The following KIF24 variants were observed in gnomAD, a reference collection of about 807,000 sequenced individuals.
KIF24 encodes kinesin-like protein KIF24.
A neutral mutation model predicts 118.9 loss-of-function variants in KIF24; 81 were observed. The ratio of observed to expected loss-of-function variants is 0.68; its 90% CI spans 0.57 to 0.82. The LOEUF (loss-of-function observed/expected upper bound fraction) is 0.82, where lower values mean the gene tolerates loss of function less well. Among genes scored for constraint, KIF24 ranks in the 40% least tolerant of loss-of-function variants. The pLI is 0.00. For synonymous variants in KIF24, 599 were observed against 610.0 expected (o/e 0.98, Z 0.27); for missense variants, 1,560 against 1,661.6 (o/e 0.94, Z 1.06).
chr9:34,317,377 G>C (rs939125492), intron 1 of KIF24, among the ~76,000 whole-genome samples: 2 of 149,754 alleles, frequency 1.3e-5, no homozygotes, highest in South Asian at 4.3e-4. Flanking sequence ...GCGACAGAAG[G>C]AGACTGTCTT....
At position 34,318,724 on chromosome 9, in the gene KIF24, G is replaced by T; in HGVS notation, c.-25-7353C>A. 6.6e-7 allele frequency: 1 copy of T among 1,505,944 alleles called. No individual in the cohort carries two copies. 93.3% of individuals were successfully genotyped at this position (1,505,944 alleles called of 1,614,324 possible). A position where few individuals can be genotyped will look rare whatever the true frequency, so the allele number is the denominator to read the frequency against. ...CCAAGCAGCTGAGCGACGAGGAGGT[G>T]CACGCCGGCGTGGGCGAGCCGCTGC... On this transcript the variant is annotated intron_variant, in intron 1 of 12. Coordinates refer to ENST00000402558, the MANE Select transcript of KIF24 (RefSeq NM_194313.4). The surrounding 1 kb of genome is among the most constrained non-coding windows in gnomAD (Gnocchi z 4.9).
chr9:34,323,943 T>C (rs1837597041), intron 1 of KIF24, among the ~76,000 whole-genome samples: 1 of 152,228 alleles, frequency 6.6e-6, no homozygotes, highest in African/African-American at 2.4e-5. Flanking sequence ...GACATAAATT[T>C]GTTTTAGAAA....
chr9:34,283,162 A>G (rs1835914818), intron 6 of KIF24, among the ~76,000 whole-genome samples: 1 of 150,800 alleles, frequency 6.6e-6, no homozygotes, highest in Non-Finnish European at 1.5e-5. Context: ...AGTCCAGGAG[A>G]TTGAGACCAG....
chr9:34,329,648 T>C (rs545326668), upstream of KIF24: 1 of 152,304 alleles, frequency 6.6e-6, no homozygotes, highest in African/African-American at 2.4e-5. Flanking sequence ...GTGGAGGAAA[T>C]GAGCCTTGGA....
At chr9:34,271,711 C>T (rs1222536822) in intron 7 of KIF24, 98 bp downstream of exon 7, 3 of 1,311,962 alleles carry the variant, frequency 2.3e-6, no homozygotes, top group Admixed American at 2.2e-5. Context: ...CAATGAAGAA[C>T]TCCATGGTAG....
rs1563931189 is a variant in KIF24 at position 34,255,924 on chromosome 9, G to C, written c.3683C>G (p.Thr1228Arg). 2 of 1,614,018 alleles carry C rather than the reference G, an allele frequency of 1.2e-6. No homozygotes were observed. The change falls in exon 11 of 13, where the codon ACA becomes AGA. Residue 1228 changes from threonine (T) to arginine (R), a missense_variant. Physicochemically the swap from Thr to Arg is moderately conservative, Grantham distance 71 (BLOSUM62 -1). This residue lies in a region of KIF24 where 591 missense variants were observed against 655.6 expected (regional missense o/e 0.90). Coordinates refer to ENST00000402558, the MANE Select transcript of KIF24 (RefSeq NM_194313.4). The part of the protein sequence containing the change: ...QLWAQERKHP[T>R]RLGWQEFGLS... ...ACCAAACTCCTGCCAACCAAGCCTT[G>C]TAGGATGTTTTCTCTCCTGGGCCCA...
Position 34,286,520 on chromosome 9 carries a change from A to G in KIF24, c.1215+97T>C, listed in dbSNP as rs1002527237. On this transcript the variant is annotated intron_variant, in intron 6 of 12. Transcript: ENST00000402558. ...GTGGGCTTGTCATTGCCCTTTGCCT[A>G]AATATAAGTCCACAGTACTTGCTTA... The G allele has an allele frequency of 1.6e-5, 13 of 813,024 alleles. No homozygotes were observed. In the South Asian group the frequency reaches 2.0e-4, roughly 13 times the overall value. The allele number at this position is 813,024 out of a possible 1,614,324, so 50.4% of individuals were successfully genotyped here.
chr9:34,254,259 T>C lies in KIF24; in HGVS notation c.*121A>G. 1.8e-6 allele frequency: 2 copies of C among 1,141,850 alleles called. No individual in the cohort carries two copies. The highest frequency in any genetic ancestry group is 2.4e-6 in the Non-Finnish European group (2 of 842,774). The allele number at this position is 1,141,850 out of a possible 1,614,324, so 70.7% of individuals were successfully genotyped here. On this transcript the variant is annotated 3_prime_UTR_variant, in exon 13 of 13. Transcript: ENST00000402558. ...ACGTGGGGCTGGGGTGACGCTAGCA[T>C]AGGCAGGACCAGCGTGTGGGTTCTG...
intron 3 of KIF24, among the ~76,000 whole-genome samples, chr9:34,302,975 C>T (rs538941539): frequency 6.6e-6 from 1 of 151,638 alleles, no homozygotes; most frequent in Admixed American, 6.6e-5. Flanking sequence ...GGAGTTTCAC[C>T]GTGTTAGCCA....
At chr9:34,268,573 T>C (rs1835382527) in intron 8 of KIF24, among the ~76,000 whole-genome samples, 1 of 149,606 alleles carries the variant, frequency 6.7e-6, no homozygotes, top group Non-Finnish European at 1.5e-5. Flanking sequence ...AATGGCACGA[T>C]CTCGGCTCAC....
In KIF24 at chr9:34,254,336, C is replaced by G. The variant is rs74718885; in HGVS notation, c.*44G>C. On this transcript the variant is annotated 3_prime_UTR_variant, in exon 13 of 13. Transcript: ENST00000402558. ...GCTCCTCCAGCCTGAGAGCCCAGCA[C>G]AGACTCCTGCAGGGCCCCCACCATC... 8,251 of 1,562,416 alleles carry G rather than the reference C, an allele frequency of 5.3e-3. 307 individuals carry two copies. In the African/African-American group the frequency reaches 0.087, roughly 17 times the overall value.
chr9:34,329,304 C>T (rs184810189), upstream of KIF24, among the ~76,000 whole-genome samples: 195 of 152,388 alleles, frequency 1.3e-3, no homozygotes, highest in Non-Finnish European at 2.0e-3. Flanking sequence ...CAGTCCCGCA[C>T]CGCCCACCAA....
intron 6 of KIF24, among the ~76,000 whole-genome samples, chr9:34,276,476 T>C (rs1835666625): frequency 6.6e-6 from 1 of 151,670 alleles, no homozygotes; most frequent in Admixed American, 6.6e-5. Flanking sequence ...TTAATTTATA[T>C]CATATTGAAC....
chr9:34,287,059 T>A (rs183451549), intron 5 of KIF24, among the ~76,000 whole-genome samples: 1 of 152,186 alleles, frequency 6.6e-6, no homozygotes, highest in Non-Finnish European at 1.5e-5. Flanking sequence ...GGTTGTTAGA[T>A]GCCTGGTGAA....
At chr9:34,331,034 T>C (rs903585826), upstream of KIF24, among the ~76,000 whole-genome samples, 6 of 152,224 alleles carry the variant, frequency 3.9e-5, no homozygotes, top group African/African-American at 1.2e-4. Flanking sequence ...GGTGTACTTT[T>C]TGTAACTGAG....
Position 34,297,693 on chromosome 9 carries a change from T to C in KIF24, c.814-579A>G, listed in dbSNP as rs1453024909. On this transcript the variant is annotated intron_variant, in intron 3 of 12. Transcript: ENST00000402558. ...AGGAGAATGGCGTGAACCCAGGAGG[T>C]GGAGCTTGCAGTGAGCCGAGATGGC... Among the ~76,000 whole-genome samples, 6 of 149,300 alleles carry C rather than the reference T, an allele frequency of 4.0e-5. No individual in the cohort carries two copies. The East Asian group carries it at 7.9e-4, about 20-fold the overall frequency.
chr9:34,309,883 T>C (rs889451686), intron 2 of KIF24, among the ~76,000 whole-genome samples: 2 of 151,990 alleles, frequency 1.3e-5, no homozygotes, highest in Non-Finnish European at 2.9e-5. Context: ...TGAATAACAG[T>C]ATTTTTAAAA....
At chr9:34,265,440 G>C (rs897667687) in intron 8 of KIF24, among the ~76,000 whole-genome samples, 4 of 152,194 alleles carry the variant, frequency 2.6e-5, no homozygotes, top group Non-Finnish European at 5.9e-5. Context: ...AAAATGCTGG[G>C]ATTACAGGTG....
chr9:34,295,218 C>CA (rs1836421753), intron 4 of KIF24, among the ~76,000 whole-genome samples: 1 of 151,742 alleles, frequency 6.6e-6, no homozygotes, highest in South Asian at 2.1e-4. Context: ...GACAGACAGA[C>CA]AGACAGACAG....
Sources: gnomAD v4.1 joint callset for allele counts (sites outside exome capture counted in the v4.1 genomes callset) on GRCh38, gnomAD v4.1.1 for gene constraint, gnomAD v4.1.1 regional missense constraint, Gnocchi (gnomAD v3.1) non-coding constraint, MANE v1.5 for transcripts, NCBI Gene and HGNC (gene_info 2026-07-23, HGNC 2026-07-21) for gene names.